Variants in USP13 observed in about 807,000 individuals in gnomAD.
USP13 encodes ubiquitin carboxyl-terminal hydrolase 13.
USP13 carries 68 observed loss-of-function variants against 107.8 expected under a neutral mutation model. That is an observed-to-expected ratio of 0.63 (90% confidence interval 0.52 to 0.77). The LOEUF is 0.77. Among genes scored for constraint, USP13 ranks in the 30% least tolerant of loss-of-function variants. USP13 has a pLI of 0.00. For synonymous variants in USP13, 377 were observed against 389.5 expected (o/e 0.97, Z 0.38); for missense variants, 945 against 1,093.3 (o/e 0.86, Z 1.91).
At chr3:179,783,932 A>G (rs1715834664) in intron 20 of USP13, 116 bp from the exon 21 acceptor site, 2 of 779,662 alleles carry the variant, frequency 2.6e-6, no homozygotes, top group Non-Finnish European at 4.2e-6. Context: ...GAACTTGAGT[A>G]TAGTACCTTA....
At chr3:179,780,000 G>A (rs1002479191) in intron 19 of USP13, among the ~76,000 whole-genome samples, 2 of 152,190 alleles carry the variant, frequency 1.3e-5, no homozygotes, top group Non-Finnish European at 2.9e-5. Context: ...TGAGTTATTG[G>A]AAGAATGGAA....
At position 179,755,577 on chromosome 3, in the gene USP13, C is replaced by T. The variant is rs527641651; in HGVS notation, c.1921+723C>T. 5.3e-5 allele frequency among the ~76,000 whole-genome samples: 8 copies of T among 152,286 alleles called. No homozygotes were observed. The East Asian group carries it at 1.4e-3, about 26-fold the overall frequency. Reference sequence around the variant, plus strand: ...CCTCCCAAAGTGTTGGGATTACAGGCGTGAGCCACTGTGCCCAGCCTCATA... The same window carrying T: ...CCTCCCAAAGTGTTGGGATTACAGGTGTGAGCCACTGTGCCCAGCCTCATA... On this transcript the variant is annotated intron_variant, in intron 15 of 20. Coordinates refer to ENST00000263966, the MANE Select transcript of USP13 (RefSeq NM_003940.3).
At chr3:179,686,866 C>T (rs1711891359) in intron 2 of USP13, among the ~76,000 whole-genome samples, 1 of 152,208 alleles carries the variant, frequency 6.6e-6, no homozygotes, top group Non-Finnish European at 1.5e-5. Context: ...AACTGTTCCT[C>T]TCCTGTTTTC....
At chr3:179,657,696 A>C (rs569344795) in intron 1 of USP13, among the ~76,000 whole-genome samples, 2 of 136,548 alleles carry the variant, frequency 1.5e-5, no homozygotes, top group Non-Finnish European at 3.1e-5. Flanking sequence ...CCTGGGAGGC[A>C]GAGGTTGCAG....
chr3:179,745,529 T>TCTTTCTTC (rs1553796908), intron 13 of USP13, among the ~76,000 whole-genome samples: 16 of 148,598 alleles, frequency 1.1e-4, no homozygotes, highest in Admixed American at 6.0e-4. Context: ...TTTCTTCCTT[T>TCTTTCTTC]CTTCCTTCCT....
In USP13 at chr3:179,708,812, CT is replaced by C; in HGVS notation, c.661del (p.Trp221GlyfsTer2). ...CARCDLRENLWLNLTDGSVLC... is the reference protein window; with the variant it reads ...CARCDLRENLXLNLTDGSVLC... ...CCAGATGCGACCTGCGAGAAAACCT[CT>C]GGTTGAATCTGACTGACGGCTCTGT... On this transcript the variant is annotated frameshift_variant, in exon 6 of 21. Coordinates refer to ENST00000263966, the MANE Select transcript of USP13 (RefSeq NM_003940.3). LOFTEE classifies it high-confidence loss of function. The C allele has an allele frequency of 6.2e-7, 1 of 1,614,200 alleles. No individual in the cohort carries two copies. Among genetic ancestry groups the C allele is most frequent in the Non-Finnish European group, 8.5e-7 (1 of 1,180,036 alleles).
chr3:179,770,770 A>G (rs374622321), intron 19 of USP13, among the ~76,000 whole-genome samples: 9 of 152,118 alleles, frequency 5.9e-5, no homozygotes, highest in African/African-American at 2.2e-4. Flanking sequence ...ACACCCAGCT[A>G]ATTTTTATAC....
At chr3:179,704,678 G>A (rs1712651729) in intron 4 of USP13, among the ~76,000 whole-genome samples, 2 of 152,154 alleles carry the variant, frequency 1.3e-5, no homozygotes, top group African/African-American at 2.4e-5. Context: ...TTTTCTATGG[G>A]CATTTCTGGA....
At chr3:179,746,288 C>T (rs923942348) in intron 13 of USP13, among the ~76,000 whole-genome samples, 13 of 149,678 alleles carry the variant, frequency 8.7e-5, no homozygotes, top group African/African-American at 3.2e-4. Flanking sequence ...GAGTCTCGCT[C>T]TGTCACCCAG....
At chr3:179,685,411 T>A (rs574198624) in intron 2 of USP13, among the ~76,000 whole-genome samples, 1 of 152,184 alleles carries the variant, frequency 6.6e-6, no homozygotes, top group East Asian at 1.9e-4. Context: ...CCTAATACAG[T>A]CTCTGTTTAA....
In USP13 at chr3:179,653,389, C is replaced by G; in HGVS notation, c.164C>G (p.Ser55Cys). ...YKNECAFSYD[S>C]PNSEGGLYVC... ...AACGAGTGCGCCTTCTCCTACGACT[C>G]TCCCGTAAGTGAGGCGCCTCGGGGG... The change falls in exon 1 of 21, where the codon TCT (serine) becomes TGT (cysteine). Residue 55 changes from serine (S) to cysteine (C), a missense_variant. Physicochemically the swap from Ser to Cys is moderately radical, Grantham distance 112. Transcript: ENST00000263966. The surrounding 1 kb of genome is among the most constrained non-coding windows in gnomAD (Gnocchi z 4.0). The G allele has an allele frequency of 6.4e-7, 1 of 1,559,184 alleles. No individual in the cohort carries two copies. The highest frequency in any genetic ancestry group is 8.7e-7 in the Non-Finnish European group (1 of 1,151,612).
At chr3:179,707,329 C>G (rs1370181158) in intron 5 of USP13, among the ~76,000 whole-genome samples, 2 of 151,902 alleles carry the variant, frequency 1.3e-5, no homozygotes, top group Admixed American at 1.3e-4. Flanking sequence ...TGCATGAGAG[C>G]TTTTTCTGCT....
rs1487961896 is a variant in USP13, at chr3:179,781,831, A to G, written c.2498+8A>G. The G allele has an allele frequency of 4.3e-6, 7 of 1,610,996 alleles. No individual in the cohort carries two copies. The Admixed American group carries it at 8.3e-5, about 19-fold the overall frequency. On this transcript the variant is annotated splice_region_variant and intron_variant, in intron 20 of 20. Coordinates refer to ENST00000263966, the MANE Select transcript of USP13 (RefSeq NM_003940.3). Reference sequence around the variant, plus strand: ...TATCAAAAAGGAAGGAAGGTGAGTCATTTTTAGAAGGTAAATGTTAGCTGT... The same window carrying G: ...TATCAAAAAGGAAGGAAGGTGAGTCGTTTTTAGAAGGTAAATGTTAGCTGT...
At chr3:179,673,561 A>G (rs1480390848) in intron 1 of USP13, among the ~76,000 whole-genome samples, 1 of 152,200 alleles carries the variant, frequency 6.6e-6, no homozygotes, top group African/African-American at 2.4e-5. Context: ...AATGAGCATG[A>G]CACTGATTGT....
chr3:179,706,507 C>T (rs1042673029), intron 4 of USP13, among the ~76,000 whole-genome samples: 1 of 152,182 alleles, frequency 6.6e-6, no homozygotes, highest in Non-Finnish European at 1.5e-5. Flanking sequence ...TGACCACATG[C>T]CATTGTGTGA....
At chr3:179,775,506 C>T (rs559350884) in intron 19 of USP13, among the ~76,000 whole-genome samples, 22 of 152,384 alleles carry the variant, frequency 1.4e-4, no homozygotes, top group Admixed American at 7.2e-4. Context: ...GCCAGTTCCG[C>T]GCCACGCGCC....
chr3:179,723,445 A>G (rs1182414721), intron 8 of USP13, among the ~76,000 whole-genome samples: 1 of 152,200 alleles, frequency 6.6e-6, no homozygotes, highest in Admixed American at 6.5e-5. Context: ...TAAGAAAATA[A>G]TCATAGTAAC....
chr3:179,653,092 G>T lies in USP13; in HGVS notation c.-134G>T. 1 of 782,294 alleles carries T rather than the reference G, an allele frequency of 1.3e-6. No homozygotes were observed. Among genetic ancestry groups the T allele is most frequent in the Non-Finnish European group, 1.5e-6 (1 of 645,974 alleles). 48.5% of individuals were successfully genotyped at this position (782,294 alleles called of 1,614,324 possible). A position where few individuals can be genotyped will look rare whatever the true frequency, so the allele number is the denominator to read the frequency against. On this transcript the variant is annotated 5_prime_UTR_variant, in exon 1 of 21. Coordinates refer to ENST00000263966, the MANE Select transcript of USP13 (RefSeq NM_003940.3). The surrounding 1 kb of genome is among the most constrained non-coding windows in gnomAD (Gnocchi z 4.0). Reference sequence around the variant, plus strand: ...TCCCGCCCCGCAGCCCGCTCTCCCCGCCCGCCCCGGCTCGGCCGGCTGCCG... The same window carrying T: ...TCCCGCCCCGCAGCCCGCTCTCCCCTCCCGCCCCGGCTCGGCCGGCTGCCG...
chr3:179,728,805 C>T (rs1373739053), intron 8 of USP13, among the ~76,000 whole-genome samples: 1 of 152,176 alleles, frequency 6.6e-6, no homozygotes, highest in Non-Finnish European at 1.5e-5. Context: ...CACAGCGAAA[C>T]CCCGTCTCCA....
Sources: gnomAD v4.1 joint callset for allele counts (sites outside exome capture counted in the v4.1 genomes callset) on GRCh38, gnomAD v4.1.1 for gene constraint, Gnocchi (gnomAD v3.1) non-coding constraint, MANE v1.5 for transcripts, NCBI Gene and HGNC (gene_info 2026-07-23, HGNC 2026-07-21) for gene names.